MEAF6: variants seen among roughly 807,000 people sequenced by gnomAD.
The protein encoded by MEAF6 is chromatin modification-related protein MEAF6.
In MEAF6, 15 loss-of-function variants were observed where a neutral mutation model predicts 28.9. The observed-to-expected ratio is 0.52, with a 90% CI of 0.35 to 0.80. The LOEUF is 0.80. Among genes scored for constraint, MEAF6 ranks in the 30% least tolerant of loss-of-function variants. The pLI, the probability that MEAF6 is intolerant of heterozygous loss-of-function variation, is 0.01. For missense variants in MEAF6, 178 were observed against 237.5 expected (o/e 0.75, Z 1.65); for synonymous variants, 97 against 88.7 (o/e 1.09, Z -0.53).
Position 37,493,840 on chromosome 1 carries a change from G to C in MEAF6, c.*259C>G, listed in dbSNP as rs182535367. 7.3e-3 allele frequency: 11,358 copies of C among 1,549,890 alleles called. 58 individuals carry two copies. Among genetic ancestry groups the C allele is most frequent in the Non-Finnish European group, 8.5e-3 (9,752 of 1,147,266 alleles). ...CTAAGAAGGGAGAAACGCACAGTTA[G>C]CAACTTGCTGGGATTACAACATTGT... On this transcript the variant is annotated 3_prime_UTR_variant, in exon 7 of 7. Transcript: ENST00000296214.
chr1:37,506,497 G>C (rs1244134519), intron 4 of MEAF6, among the ~76,000 whole-genome samples: 1 of 152,116 alleles, frequency 6.6e-6, no homozygotes, highest in East Asian at 1.9e-4. Context: ...TCAGCCTCCT[G>C]AATCACTGGG....
intron 4 of MEAF6, among the ~76,000 whole-genome samples, chr1:37,505,936 C>CA (rs1270155920): frequency 6.6e-6 from 1 of 152,148 alleles, no homozygotes; most frequent in Admixed American, 6.6e-5. Flanking sequence ...AAAATTAACT[C>CA]AAAATGGATC....
intron 5 of MEAF6, among the ~76,000 whole-genome samples, chr1:37,499,807 T>G (rs1009617909): frequency 6.6e-6 from 1 of 152,170 alleles, no homozygotes; most frequent in Non-Finnish European, 1.5e-5. Flanking sequence ...TGCTAGAAAC[T>G]TGCAAGAAGA....
At chr1:37,500,907 C>A (rs1642279918) in intron 5 of MEAF6, 1 of 154,110 alleles carries the variant, frequency 6.5e-6, no homozygotes, top group Non-Finnish European at 1.5e-5. Context: ...TGTACAGTTT[C>A]TAGAATGAGA....
intron 4 of MEAF6, among the ~76,000 whole-genome samples, chr1:37,508,231 C>G (rs12125547): frequency 7.0e-6 from 1 of 143,438 alleles, no homozygotes; most frequent in Non-Finnish European, 1.5e-5. Context: ...CCATTTTATA[C>G]TTAAGAACAT....
At chr1:37,496,591 C>A (rs1642134538) in intron 5 of MEAF6, 1 of 1,495,236 alleles carries the variant, frequency 6.7e-7, no homozygotes, top group Non-Finnish European at 8.9e-7. Flanking sequence ...CCCAGCCTAA[C>A]CTAATATACA....
At chr1:37,513,692 G>A (rs1186972387) in intron 1 of MEAF6, 154 bp from the exon 2 acceptor site, 6 of 660,088 alleles carry the variant, frequency 9.1e-6, no homozygotes, top group African/African-American at 5.4e-5. Context: ...AGGAGGAGCC[G>A]TTTAGGACTA....
chr1:37,505,426 G>C (rs562209673), intron 4 of MEAF6, among the ~76,000 whole-genome samples: 1 of 152,154 alleles, frequency 6.6e-6, no homozygotes, highest in South Asian at 2.1e-4. Flanking sequence ...AGCCCAGGAC[G>C]GCTTTGAATA....
rs1641987259 is a variant in MEAF6, at chr1:37,492,936, G to A, written c.*1163C>T. The A allele has an allele frequency of 6.6e-6, 1 of 152,196 alleles. No individual in the cohort carries two copies. The highest frequency in any genetic ancestry group is 1.5e-5 in the Non-Finnish European group (1 of 68,042). 9.4% of individuals were successfully genotyped at this position (152,196 alleles called of 1,614,324 possible). ...CCCCAGTCTCTAGGGATGGGATCCA[G>A]GCATGAGTATTTTAAAGCTTCTCAG... On this transcript the variant is annotated 3_prime_UTR_variant, in exon 7 of 7. Coordinates refer to ENST00000296214, the MANE Select transcript of MEAF6 (RefSeq NM_001270875.3).
Position 37,494,014 on chromosome 1 carries a change from C to T in MEAF6, c.*85G>A. 15 of 1,591,480 alleles carry T rather than the reference C, an allele frequency of 9.4e-6. No homozygotes were observed. The highest frequency in any genetic ancestry group is 1.9e-5 in the Admixed American group (1 of 53,510). On this transcript the variant is annotated 3_prime_UTR_variant, in exon 7 of 7. Coordinates refer to ENST00000296214, the MANE Select transcript of MEAF6 (RefSeq NM_001270875.3). ...GAGAGCAGAGGTGGATGGCCACGAA[C>T]TCAGGTGAAGGATGTTTATCTTTGT...
At position 37,491,351 on chromosome 1, in the gene MEAF6, A is replaced by G. The variant is rs770733974; in HGVS notation, c.*2748T>C. Among the ~76,000 whole-genome samples the G allele has an allele frequency of 6.6e-6, 1 of 152,010 alleles. No homozygotes were observed. Among genetic ancestry groups the G allele is most frequent in the Non-Finnish European group, 1.5e-5 (1 of 67,990 alleles). On this transcript the variant is annotated 3_prime_UTR_variant, in exon 7 of 7. Transcript: ENST00000296214. Reference sequence around the variant, plus strand: ...AAAACCCCATCTCCACTAAAAATACAAAACTTAGATGGGCATGGTGGTGCA... The same window carrying G: ...AAAACCCCATCTCCACTAAAAATACGAAACTTAGATGGGCATGGTGGTGCA...
intron 5 of MEAF6, among the ~76,000 whole-genome samples, chr1:37,497,268 C>T (rs531118306): frequency 7.7e-4 from 118 of 152,280 alleles, no homozygotes; most frequent in South Asian, 1.4e-3. Context: ...AACGGAGTCT[C>T]GCTCTGGCAC....
chr1:37,501,821 CTT>C lies in MEAF6; in HGVS notation c.514_515del (p.Lys172GlufsTer2). Reference protein sequence around the residue: ...GSHHSSHKKRKNKNRHRIDLK... With the variant: ...GSHHSSHKKRXNKNRHRIDLK... ...CCACTGACCTGTGCCGGTTTTTATT[CTT>C]TCGCTTTTTATGGCTGCTGTGGTGA... is the stretch of plus-strand genomic sequence containing the variant. On this transcript the variant is annotated frameshift_variant, in exon 5 of 7. Coordinates refer to ENST00000296214, the MANE Select transcript of MEAF6 (RefSeq NM_001270875.3). LOFTEE classifies it high-confidence loss of function. 1 of 1,589,436 alleles carries C rather than the reference CTT, an allele frequency of 6.3e-7. No homozygotes were observed. Among genetic ancestry groups the C allele is most frequent in the Non-Finnish European group, 8.6e-7 (1 of 1,163,014 alleles).
intron 4 of MEAF6, among the ~76,000 whole-genome samples, chr1:37,505,366 A>G (rs1402885888): frequency 6.6e-6 from 1 of 152,180 alleles, no homozygotes; most frequent in Non-Finnish European, 1.5e-5. Flanking sequence ...GCAACAGAAA[A>G]GGAAACTCTA....
At chr1:37,502,245 T>C (rs1642332776) in intron 4 of MEAF6, among the ~76,000 whole-genome samples, 1 of 152,132 alleles carries the variant, frequency 6.6e-6, no homozygotes, top group African/African-American at 2.4e-5. Context: ...CTAAGGGCAG[T>C]TTTTGTTTTT....
chr1:37,501,371 T>G (rs1286834473), intron 5 of MEAF6: 1 of 154,478 alleles, frequency 6.5e-6, no homozygotes, highest in Non-Finnish European at 1.4e-5. Flanking sequence ...GTCAAATCAG[T>G]TCTCTCCATC....
chr1:37,510,865 G>C (rs1432350150), intron 2 of MEAF6, among the ~76,000 whole-genome samples: 1 of 152,132 alleles, frequency 6.6e-6, no homozygotes, highest in Non-Finnish European at 1.5e-5. Flanking sequence ...TGGGATTACA[G>C]GCATGTGCCA....
At chr1:37,501,154 T>C (rs931338952) in intron 5 of MEAF6, among the ~76,000 whole-genome samples, 34 of 152,338 alleles carry the variant, frequency 2.2e-4, no homozygotes, top group African/African-American at 7.7e-4. Context: ...CTGGCCTCTC[T>C]GTCCACTGAC....
intron 4 of MEAF6, among the ~76,000 whole-genome samples, chr1:37,507,302 A>G (rs1642517668): frequency 6.8e-6 from 1 of 146,776 alleles, no homozygotes; most frequent in Admixed American, 7.0e-5. Context: ...CCTGGGTAAC[A>G]AAAGCAAAAC....
Sources: gnomAD v4.1 joint callset for allele counts (sites outside exome capture counted in the v4.1 genomes callset) on GRCh38, gnomAD v4.1.1 for gene constraint, MANE v1.5 for transcripts, NCBI Gene and HGNC (gene_info 2026-07-23, HGNC 2026-07-21) for gene names.